MAPK6: variants seen among roughly 807,000 people sequenced by gnomAD.
MAPK6 encodes ERK-3.
Under a neutral mutation model 59.3 loss-of-function variants are expected in MAPK6, and 19 were observed. That is an observed-to-expected ratio of 0.32 (90% CI 0.22 to 0.47). The LOEUF (loss-of-function observed/expected upper bound fraction) is 0.47, where lower values mean the gene tolerates loss of function less well. MAPK6 is among the 20% of genes least tolerant of loss of function. MAPK6 has a pLI of 1.00. For missense variants in MAPK6, 724 were observed against 847.9 expected, an observed-to-expected ratio of 0.85 and a Z score of 1.81; for synonymous variants, 316 against 290.3, an observed-to-expected ratio of 1.09 and a Z score of -0.90.
In MAPK6 at chr15:52,066,046, A is replaced by AGTT. The variant is rs1249688110; in HGVS notation, c.*1049_*1051dup. ...AGGTACATCATTATTGTAGTTTGAAAGTTGTACATGATAAGACATTTTGTT... is the reference window on the plus strand; with the variant it reads ...AGGTACATCATTATTGTAGTTTGAAAGTTGTTGTACATGATAAGACATTTTGTT... On this transcript the variant is annotated 3_prime_UTR_variant, in exon 6 of 6. Transcript: ENST00000261845. 2.0e-5 allele frequency: 3 copies of AGTT among 152,784 alleles called. No homozygotes were observed. The highest frequency in any genetic ancestry group is 7.2e-5 in the African/African-American group (3 of 41,582). 9.5% of individuals were successfully genotyped at this position (152,784 alleles called of 1,614,324 possible).
rs181416200 is a variant in MAPK6, at chr15:51,977,729, G to T, written c.-879-5477G>T. Among the ~76,000 whole-genome samples the T allele has an allele frequency of 7.3e-5, 11 of 151,680 alleles. No homozygotes were observed. The East Asian group carries it at 1.9e-3, about 27-fold the overall frequency. On this transcript the variant is annotated intron_variant, in intron 1 of 7. Transcript: ENST00000691380. ...CTTTTTATTTTTTTGTAGAGACAGG[G>T]TCTCACTATGTTGCTCAGAATGACT...
chr15:52,044,842 T>C (rs2031547620), intron 1 of MAPK6, among the ~76,000 whole-genome samples: 1 of 152,024 alleles, frequency 6.6e-6, no homozygotes, highest in African/African-American at 2.4e-5. Flanking sequence ...AATAACACAT[T>C]AAAACGCAGA....
chr15:52,019,207 GCCCCGCC>G (rs1248658801), upstream of MAPK6: 1 of 152,044 alleles, frequency 6.6e-6, no homozygotes, highest in Non-Finnish European at 1.5e-5. Flanking sequence ...GCACCGCGAA[GCCCCGCC>G]CCCTCTTCCT....
At chr15:52,033,653 T>C (rs964070469) in intron 1 of MAPK6, 4 of 152,228 alleles carry the variant, frequency 2.6e-5, no homozygotes, top group African/African-American at 7.2e-5. Flanking sequence ...GCAGACGGCT[T>C]GACGTGGGAC....
chr15:52,054,602 T>C (rs1033221473), intron 3 of MAPK6, among the ~76,000 whole-genome samples: 1 of 152,112 alleles, frequency 6.6e-6, no homozygotes, highest in Non-Finnish European at 1.5e-5. Flanking sequence ...GTACGCTTCA[T>C]GGTCAATGGG....
upstream of MAPK6, among the ~76,000 whole-genome samples, chr15:52,016,070 G>GCGCGCTCA: frequency 1.8e-5 from 1 of 55,392 alleles, no homozygotes; most frequent in Non-Finnish European, 3.4e-5. Flanking sequence ...GCGCGCGCGC[G>GCGCGCTCA]CACACACACA....
At chr15:52,055,351 G>A (rs2031935762) in intron 3 of MAPK6, among the ~76,000 whole-genome samples, 1 of 152,216 alleles carries the variant, frequency 6.6e-6, no homozygotes, top group Admixed American at 6.5e-5. Flanking sequence ...AGGCTACAGT[G>A]AGCTGTGATC....
rs911908155 is a variant in MAPK6, at chr15:52,019,251, A to T, written c.-757A>T. On this transcript the variant is annotated 5_prime_UTR_variant, in exon 1 of 6. An upstream start codon of the reference 5' UTR is lost. Coordinates refer to ENST00000261845, the MANE Select transcript of MAPK6 (RefSeq NM_002748.4). ...GCCCTCTCTCGCGGGTCGGGGTTACATGGCGGCGACTGCGGCAAAGCGAGA... is the reference window on the plus strand; with the variant it reads ...GCCCTCTCTCGCGGGTCGGGGTTACTTGGCGGCGACTGCGGCAAAGCGAGA... The T allele has an allele frequency of 6.6e-6, 1 of 152,016 alleles. No homozygotes were observed. Among genetic ancestry groups the T allele is most frequent in the Admixed American group, 6.5e-5 (1 of 15,272 alleles). The allele number at this position is 152,016 out of a possible 1,614,324, so 9.4% of individuals were successfully genotyped here. A position where few individuals can be genotyped will look rare whatever the true frequency, so the allele number is the denominator to read the frequency against.
At position 52,046,735 on chromosome 15, in the gene MAPK6, C is replaced by G; in HGVS notation, c.275C>G (p.Thr92Arg). 4 of 1,614,232 alleles carry G rather than the reference C, an allele frequency of 2.5e-6. No homozygotes were observed. The highest frequency in any genetic ancestry group is 3.4e-6 in the Non-Finnish European group (4 of 1,180,032). ...CTTGGTCCCAGTGGAAGCCAATTAA[C>G]AGACGATGTGGGCTCTCTTACGGAA... ...EILGPSGSQL[T>R]DDVGSLTELN... Residue 92 changes from threonine to arginine, a missense_variant, in exon 2 of 6, where the codon ACA becomes AGA. By Grantham distance (71) the Thr-to-Arg change is moderately conservative. Transcript: ENST00000261845.
intron 2 of MAPK6, among the ~76,000 whole-genome samples, chr15:52,049,612 ATT>A (rs934846995): frequency 2.1e-4 from 26 of 124,148 alleles, no homozygotes; most frequent in Admixed American, 3.3e-4. Context: ...AAAGATTAGG[ATT>A]TTTTTTTTTT....
intron 2 of MAPK6, among the ~76,000 whole-genome samples, chr15:51,991,146 T>TACAC (rs141153685): frequency 0.13 from 15,823 of 119,790 alleles, 993 homozygotes; most frequent in East Asian, 0.42. Context: ...AATATATATA[T>TACAC]ATACACACAC....
chr15:52,034,344 C>A (rs1431205423), intron 1 of MAPK6, among the ~76,000 whole-genome samples: 1 of 151,390 alleles, frequency 6.6e-6, no homozygotes, highest in African/African-American at 2.4e-5. Flanking sequence ...GAGACAGTCT[C>A]GCTCTGTTAC....
At chr15:51,976,699 C>T (rs557154670) in intron 1 of MAPK6, among the ~76,000 whole-genome samples, 30 of 151,774 alleles carry the variant, frequency 2.0e-4, no homozygotes, top group African/African-American at 7.0e-4. Context: ...AATCTCAGCA[C>T]GTTGGGAGGC....
intron 1 of MAPK6, among the ~76,000 whole-genome samples, chr15:52,043,129 C>A (rs1353797437): frequency 6.6e-6 from 1 of 151,894 alleles, no homozygotes; most frequent in Admixed American, 6.6e-5. Context: ...AATACCCTGT[C>A]TCAAAAAACA....
Position 52,061,492 on chromosome 15 carries a change from C to T in MAPK6, c.1059C>T (p.Asn353=), listed in dbSNP as rs1244204582. 2 of 1,608,014 alleles carry T rather than the reference C, an allele frequency of 1.2e-6. No homozygotes were observed. The highest frequency in any genetic ancestry group is 1.7e-6 in the Non-Finnish European group (2 of 1,174,652). The change falls in exon 5 of 6, where the codon AAC becomes AAT. Residue 353 remains asparagine (N), a synonymous_variant. Transcript: ENST00000261845. ...LMDETHSHIY[N]WERYHDCQFS... Reference sequence around the variant, plus strand: ...ATGAAACTCACAGTCACATTTATAACTGGGAAAGGTAAATTGATCCTAAAT... The same window carrying T: ...ATGAAACTCACAGTCACATTTATAATTGGGAAAGGTAAATTGATCCTAAAT...
intron 1 of MAPK6, among the ~76,000 whole-genome samples, 173 bp from the exon 2 acceptor site, chr15:52,045,657 A>T (rs894006749): frequency 1.3e-5 from 2 of 152,204 alleles, no homozygotes; most frequent in Admixed American, 6.5e-5. Context: ...ATTGCTGATA[A>T]CATTTTTGTA....
intron 1 of MAPK6, chr15:52,027,852 A>T (rs1191367576): frequency 6.6e-6 from 1 of 151,308 alleles, no homozygotes; most frequent in East Asian, 1.9e-4. Context: ...GGCTCACTGC[A>T]GCCTCTGCGT....
intron 1 of MAPK6, among the ~76,000 whole-genome samples, chr15:52,037,145 G>GA (rs920660866): frequency 2.6e-5 from 4 of 151,734 alleles, no homozygotes; most frequent in Admixed American, 6.6e-5. Context: ...AAAAGAAAAA[G>GA]AAAAAAAAGT....
chr15:51,991,180 C>CACAT (rs754215367), intron 2 of MAPK6, among the ~76,000 whole-genome samples: 6 of 142,954 alleles, frequency 4.2e-5, no homozygotes, highest in East Asian at 2.0e-4. Flanking sequence ...CACACACACA[C>CACAT]ATATATATAT....
Sources: gnomAD v4.1 joint callset for allele counts (sites outside exome capture counted in the v4.1 genomes callset) on GRCh38, gnomAD v4.1.1 for gene constraint, MANE v1.5 for transcripts, NCBI Gene and HGNC (gene_info 2026-07-23, HGNC 2026-07-21) for gene names.